EYA2: variants seen among roughly 807,000 people sequenced by gnomAD.
EYA2 encodes EYA transcriptional coactivator and phosphatase 2.
EYA2 carries 31 observed loss-of-function variants against 69.2 expected under a neutral mutation model. That is an observed-to-expected ratio of 0.45 (90% confidence interval 0.34 to 0.60). EYA2 has a LOEUF of 0.60. EYA2 is among the 20% of genes least tolerant of loss of function. The pLI is 0.02. For missense variants in EYA2, 622 were observed against 701.2 expected (o/e 0.89, Z 1.28); for synonymous variants, 257 against 279.4 (o/e 0.92, Z 0.80).
At chr20:46,906,409 G>A (rs6018152) in intron 1 of EYA2, among the ~76,000 whole-genome samples, 1 of 152,164 alleles carries the variant, frequency 6.6e-6, no homozygotes, top group Non-Finnish European at 1.5e-5. Flanking sequence ...GCTGCTTTCA[G>A]GGGAATAAAA....
intron 9 of EYA2, among the ~76,000 whole-genome samples, chr20:47,097,816 T>C (rs7272421): frequency 0.024 from 3,614 of 152,260 alleles, 147 homozygotes; most frequent in African/African-American, 0.08. Flanking sequence ...CATGGGCTAC[T>C]GAACAGACGA....
intron 4 of EYA2, among the ~76,000 whole-genome samples, chr20:47,006,889 T>C (rs182080375): frequency 6.6e-6 from 1 of 152,214 alleles, no homozygotes; most frequent in African/African-American, 2.4e-5. Context: ...ATGAAGACAC[T>C]TGAGTTTGCA....
intron 5 of EYA2, among the ~76,000 whole-genome samples, chr20:47,046,409 T>C (rs2030039628): frequency 6.6e-6 from 1 of 152,176 alleles, no homozygotes; most frequent in Non-Finnish European, 1.5e-5. Flanking sequence ...CCTCTACCAC[T>C]CATGGCTAGT....
intron 2 of EYA2, among the ~76,000 whole-genome samples, 169 bp from the exon 3 acceptor site, chr20:47,001,256 CAAG>C (rs766378408): frequency 6.6e-6 from 1 of 152,050 alleles, no homozygotes; most frequent in Non-Finnish European, 1.5e-5. Flanking sequence ...CCGAACTCCT[CAAG>C]AAGAAGAGTG....
Position 47,185,276 on chromosome 20 carries a change from CTTTTTTTTTTTTTTTTTTTTTTTTTTT to C in EYA2, c.1536+1901_1536+1927del, listed in dbSNP as rs765083065. On this transcript the variant is annotated intron_variant, in intron 15 of 15. Coordinates refer to ENST00000327619, the MANE Select transcript of EYA2 (RefSeq NM_005244.5). ...CTCTCCCAGAAAAATGAATCACACTCTTTTTTTTTTTTTTTTTTTTTTTTTTTTTTTTTTTTTTTTTTGAGACAGAAT... is the reference window on the plus strand; with the variant it reads ...CTCTCCCAGAAAAATGAATCACACTCTTTTTTTTTTTTTTTGAGACAGAAT... Among the ~76,000 whole-genome samples, 10 of 55,932 alleles carry C rather than the reference CTTTTTTTTTTTTTTTTTTTTTTTTTTT, an allele frequency of 1.8e-4. No individual in the cohort carries two copies. In the East Asian group the frequency reaches 3.3e-3, roughly 18 times the overall value. 36.7% of individuals were successfully genotyped at this position (55,932 alleles called of 152,430 possible).
chr20:46,963,291 G>A (rs2146290388), intron 1 of EYA2, among the ~76,000 whole-genome samples: 1 of 152,348 alleles, frequency 6.6e-6, no homozygotes, highest in Non-Finnish European at 1.5e-5. Flanking sequence ...CCCTCCTGCA[G>A]GCAAAAGCTG....
intron 1 of EYA2, among the ~76,000 whole-genome samples, chr20:46,902,799 G>A (rs895315762): frequency 6.6e-6 from 1 of 152,174 alleles, no homozygotes; most frequent in African/African-American, 2.4e-5. Flanking sequence ...GCAGTTAGTG[G>A]CCTAAGTCAT....
chr20:47,002,715 C>G (rs922663228), intron 3 of EYA2, among the ~76,000 whole-genome samples: 1 of 152,180 alleles, frequency 6.6e-6, no homozygotes, highest in East Asian at 1.9e-4. Flanking sequence ...CACATCACTC[C>G]TCAGTACCTA....
At position 47,097,922 on chromosome 20, in the gene EYA2, A is replaced by T. The variant is rs7264660; in HGVS notation, c.888+754A>T. 2.4e-3 allele frequency among the ~76,000 whole-genome samples: 370 copies of T among 152,266 alleles called. 1 individual carries two copies. The highest frequency in any genetic ancestry group is 8.4e-3 in the African/African-American group (347 of 41,542). ...GACAGCCTAGTTTTCATCTCCTCAG[A>T]GGTGAGTGACCCACTGGCAGCTGCT... is the stretch of plus-strand genomic sequence containing the variant. On this transcript the variant is annotated intron_variant, in intron 9 of 15. Transcript: ENST00000327619.
intron 8 of EYA2, among the ~76,000 whole-genome samples, chr20:47,092,752 T>C (rs571396224): frequency 2.9e-4 from 44 of 152,300 alleles, no homozygotes; most frequent in Admixed American, 1.3e-3. Context: ...GCAAGAACCA[T>C]TGAAAAGGTG....
At chr20:47,163,596 G>A (rs2146638214) in intron 10 of EYA2, among the ~76,000 whole-genome samples, 1 of 151,332 alleles carries the variant, frequency 6.6e-6, no homozygotes, top group Non-Finnish European at 1.5e-5. Flanking sequence ...TACTCAGAAG[G>A]CTGAGGCAGG....
At chr20:47,109,241 A>G (rs1022078969) in intron 9 of EYA2, among the ~76,000 whole-genome samples, 2 of 152,124 alleles carry the variant, frequency 1.3e-5, no homozygotes, top group Non-Finnish European at 2.9e-5. Flanking sequence ...CACATTTCCT[A>G]TACACCAAGC....
At chr20:47,119,235 G>A (rs914882123) in intron 9 of EYA2, among the ~76,000 whole-genome samples, 4 of 152,208 alleles carry the variant, frequency 2.6e-5, no homozygotes, top group African/African-American at 7.2e-5. Flanking sequence ...CGGCAGGAAG[G>A]TGTCAACGCC....
chr20:47,053,281 C>T (rs1259377511), intron 5 of EYA2, among the ~76,000 whole-genome samples: 1 of 152,206 alleles, frequency 6.6e-6, no homozygotes, highest in African/African-American at 2.4e-5. Context: ...AGTTTCTCAG[C>T]AAGAAAGACT....
At position 47,188,246 on chromosome 20, in the gene EYA2, C is replaced by A. The variant is rs1359202173; in HGVS notation, c.*113C>A. ...TGTTGGACACCAGGAAGGGGCCCCA[C>A]AGCCGAGACGACGTGTCCAGTGACC... On this transcript the variant is annotated 3_prime_UTR_variant, in exon 16 of 16. Coordinates refer to ENST00000327619, the MANE Select transcript of EYA2 (RefSeq NM_005244.5). The A allele has an allele frequency of 1.0e-6, 1 of 972,350 alleles. No individual in the cohort carries two copies. The highest frequency in any genetic ancestry group is 1.6e-6 in the Non-Finnish European group (1 of 639,132). 60.2% of individuals were successfully genotyped at this position (972,350 alleles called of 1,614,324 possible). A position where few individuals can be genotyped will look rare whatever the true frequency, so the allele number is the denominator to read the frequency against.
chr20:47,095,301 G>A lies in EYA2; in HGVS notation c.805-1784G>A, dbSNP rs4809623. On this transcript the variant is annotated intron_variant, in intron 8 of 15. Transcript: ENST00000327619. ...AATCTCCCAGAACACAGATCAAAAA[G>A]ACAGATTTATTAAAAAATATTATTT... Among the ~76,000 whole-genome samples, 143 of 151,954 alleles carry A rather than the reference G, an allele frequency of 9.4e-4. 1 individual carries two copies. Among genetic ancestry groups the A allele is most frequent in the Admixed American group, 6.9e-3 (105 of 15,282 alleles).
At chr20:46,941,906 A>G (rs970984173) in intron 1 of EYA2, among the ~76,000 whole-genome samples, 26 of 151,860 alleles carry the variant, frequency 1.7e-4, no homozygotes, top group African/African-American at 6.3e-4. Context: ...CTACAGGCAC[A>G]TGCCACCACC....
intron 9 of EYA2, among the ~76,000 whole-genome samples, chr20:47,128,839 A>G (rs1425758562): frequency 6.6e-6 from 1 of 152,186 alleles, no homozygotes; most frequent in Non-Finnish European, 1.5e-5. Flanking sequence ...AAATAAAAAA[A>G]TGGCCAGGCA....
intron 1 of EYA2, among the ~76,000 whole-genome samples, chr20:46,970,706 G>A (rs761091470): frequency 3.7e-4 from 56 of 152,114 alleles, no homozygotes; most frequent in Non-Finnish European, 6.9e-4. Context: ...AGAAGCAGGC[G>A]GCTCCATGTG....
Sources: gnomAD v4.1 joint callset for allele counts (sites outside exome capture counted in the v4.1 genomes callset) on GRCh38, gnomAD v4.1.1 for gene constraint, MANE v1.5 for transcripts, NCBI Gene and HGNC (gene_info 2026-07-23, HGNC 2026-07-21) for gene names.